LSP1: variants seen among roughly 807,000 people sequenced by gnomAD.
The protein encoded by LSP1 is lymphocyte specific protein 1.
LSP1 carries 32 observed loss-of-function variants against 49.3 expected under a neutral mutation model. That is an observed-to-expected ratio of 0.65 (90% CI 0.49 to 0.87). The LOEUF (loss-of-function observed/expected upper bound fraction) is 0.87. Among genes scored for constraint, LSP1 ranks in the 40% least tolerant of loss-of-function variants. LSP1 has a pLI of 0.00. For synonymous variants in LSP1, 179 were observed against 178.8 expected (o/e 1.00, Z -0.01); for missense variants, 428 against 442.6 (o/e 0.97, Z 0.30).
At chr11:1,882,726 G>A (rs1848596972) in intron 3 of LSP1, among the ~76,000 whole-genome samples, 1 of 152,224 alleles carries the variant, frequency 6.6e-6, no homozygotes, top group Admixed American at 6.5e-5. Context: ...CCTCTGTGTG[G>A]CTGCTGCTGG....
intron 2 of LSP1, chr11:1,881,043 G>A (rs1848516498): frequency 6.1e-6 from 1 of 164,528 alleles, no homozygotes; most frequent in African/African-American, 2.4e-5. Flanking sequence ...GGCTGACAGG[G>A]GAGGCACAGC....
intron 10 of LSP1, chr11:1,890,926 C>G (rs1052935671): frequency 3.8e-6 from 1 of 262,190 alleles, no homozygotes. Flanking sequence ...GGCCGCAACA[C>G]CGTGTGGGCT....
chr11:1,872,667 CT>C (rs1848091398), intron 1 of LSP1, among the ~76,000 whole-genome samples: 1 of 140,692 alleles, frequency 7.1e-6, no homozygotes, highest in Admixed American at 7.0e-5. Flanking sequence ...GCGTGGGCAC[CT>C]TTGGGAGGGG....
In LSP1 at chr11:1,880,237, A is replaced by G. The variant is rs2271439; in HGVS notation, c.191+13A>G. The G allele has an allele frequency of 6.3e-7, 1 of 1,579,272 alleles. No homozygotes were observed. The highest frequency in any genetic ancestry group is 2.3e-5 in the East Asian group (1 of 42,816). On this transcript the variant is annotated intron_variant, in intron 2 of 10. Coordinates refer to ENST00000311604, the MANE Select transcript of LSP1 (RefSeq NM_002339.3). Reference sequence around the variant, plus strand: ...AGCAGGAGATGCTGTGAGCAGCCCCATAACGCGTGCCTGGGCTCTAGCCCC... The same window carrying G: ...AGCAGGAGATGCTGTGAGCAGCCCCGTAACGCGTGCCTGGGCTCTAGCCCC...
At chr11:1,883,193 T>C (rs1380578031) in intron 3 of LSP1, among the ~76,000 whole-genome samples, 13 of 152,154 alleles carry the variant, frequency 8.5e-5, no homozygotes, top group Admixed American at 8.5e-4. Context: ...GACTGGGCAG[T>C]TCCCCAGGGG....
rs186790983 is a variant in LSP1, at chr11:1,886,133, C to A, written c.718-599C>A. Among the ~76,000 whole-genome samples the A allele has an allele frequency of 1.8e-3, 273 of 151,744 alleles. 1 individual carries two copies. The highest frequency in any genetic ancestry group is 2.1e-3 in the Non-Finnish European group (144 of 67,874). On this transcript the variant is annotated intron_variant, in intron 7 of 10. Coordinates refer to ENST00000311604, the MANE Select transcript of LSP1 (RefSeq NM_002339.3). Reference sequence around the variant, plus strand: ...TCACTGCTCCTCCATCCAGTCAATACCTTTCCATCCTACCAGTGCCCCTCC... The same window carrying A: ...TCACTGCTCCTCCATCCAGTCAATAACTTTCCATCCTACCAGTGCCCCTCC...
At position 1,884,496 on chromosome 11, in the gene LSP1, C is replaced by A. The variant is rs773666837; in HGVS notation, c.636-4C>A. 1 of 1,613,098 alleles carries A rather than the reference C, an allele frequency of 6.2e-7. No individual in the cohort carries two copies. The highest frequency in any genetic ancestry group is 8.5e-7 in the Non-Finnish European group (1 of 1,179,340). ...TGGGGCCTGACACATCTTCTACCCT[C>A]CAGTAACAGTGTGAAGAAATCCCAG... On this transcript the variant is annotated splice_polypyrimidine_tract_variant and splice_region_variant and intron_variant, in intron 6 of 10. Transcript: ENST00000311604. This position sits in a 1 kb window ranked among gnomAD's most constrained non-coding sequence, Gnocchi z 4.1.
At position 1,870,603 on chromosome 11, in the gene LSP1, G is replaced by A. The variant is rs960334321; in HGVS notation, c.54-9484G>A. On this transcript the variant is annotated intron_variant, in intron 1 of 10. Coordinates refer to ENST00000311604, the MANE Select transcript of LSP1 (RefSeq NM_002339.3). Reference sequence around the variant, plus strand: ...CGGTGCTGTGGGAGTGGAGCAGGTGGTTGAATGCCAGGCTGGCTTGGTCCT... The same window carrying A: ...CGGTGCTGTGGGAGTGGAGCAGGTGATTGAATGCCAGGCTGGCTTGGTCCT... The A allele has an allele frequency of 3.9e-5, 43 of 1,111,978 alleles. No individual in the cohort carries two copies. In the African/African-American group the frequency reaches 5.1e-4, roughly 13 times the overall value. The allele number at this position is 1,111,978 out of a possible 1,614,324, so 68.9% of individuals were successfully genotyped here.
At chr11:1,869,321 A>G (rs916554842) in intron 1 of LSP1, 2 of 306,842 alleles carry the variant, frequency 6.5e-6, no homozygotes, top group Non-Finnish European at 6.5e-6. Flanking sequence ...ACGAGAACAA[A>G]CCCTACCTGG....
intron 1 of LSP1, chr11:1,869,821 G>A (rs193085559): frequency 4.9e-5 from 23 of 467,424 alleles, no homozygotes; most frequent in East Asian, 1.4e-4. Flanking sequence ...GGTTTTCCCC[G>A]AGACTGAGAA....
At chr11:1,856,872 C>T (rs1038439012) in intron 1 of LSP1, among the ~76,000 whole-genome samples, 3 of 152,226 alleles carry the variant, frequency 2.0e-5, no homozygotes, top group Non-Finnish European at 2.9e-5. Context: ...GCGGTGCCCA[C>T]GACTGCTCAG....
intron 7 of LSP1, among the ~76,000 whole-genome samples, chr11:1,885,099 C>G (rs1196874482): frequency 6.6e-6 from 1 of 151,674 alleles, no homozygotes; most frequent in African/African-American, 2.4e-5. Context: ...CCATCCAATA[C>G]TACTCCATCC....
intron 7 of LSP1, among the ~76,000 whole-genome samples, chr11:1,885,316 A>G (rs537299159): frequency 3.7e-4 from 56 of 152,132 alleles, no homozygotes; most frequent in African/African-American, 1.3e-3. Context: ...CCATCCAATC[A>G]TCCAATACTC....
At chr11:1,871,692 G>T (rs1848015100) in intron 1 of LSP1, among the ~76,000 whole-genome samples, 1 of 152,232 alleles carries the variant, frequency 6.6e-6, no homozygotes, top group Non-Finnish European at 1.5e-5. Context: ...GGGTGTCTGG[G>T]TAGACTTGGG....
intron 7 of LSP1, among the ~76,000 whole-genome samples, chr11:1,885,264 G>A (rs1355591114): frequency 6.6e-6 from 1 of 151,438 alleles, no homozygotes; most frequent in Non-Finnish European, 1.5e-5. Context: ...TGTAACCAAT[G>A]CCAGTCCCAC....
chr11:1,854,326 T>C (rs1231546434), intron 1 of LSP1, among the ~76,000 whole-genome samples: 1 of 152,122 alleles, frequency 6.6e-6, no homozygotes, highest in Non-Finnish European at 1.5e-5. Context: ...ACCCCAAAAC[T>C]GCAGCCAGGG....
At chr11:1,877,509 G>A (rs1159331858) in intron 1 of LSP1, among the ~76,000 whole-genome samples, 1 of 152,154 alleles carries the variant, frequency 6.6e-6, no homozygotes, top group Non-Finnish European at 1.5e-5. Flanking sequence ...CTGCAGGGAC[G>A]ATGTTCCCAG....
Position 1,864,921 on chromosome 11 carries a change from G to A in LSP1, c.53+11724G>A, listed in dbSNP as rs541591052. Among the ~76,000 whole-genome samples, 5 of 152,234 alleles carry A rather than the reference G, an allele frequency of 3.3e-5. No homozygotes were observed. The South Asian group carries it at 1.0e-3, about 32-fold the overall frequency. On this transcript the variant is annotated intron_variant, in intron 1 of 10. Coordinates refer to ENST00000311604, the MANE Select transcript of LSP1 (RefSeq NM_002339.3). ...GGGCCAGAGGGGCCAAGACAGGCAG[G>A]CAGAGGGTCACAGGGACAAGGAGAA...
intron 1 of LSP1, among the ~76,000 whole-genome samples, chr11:1,879,626 G>A (rs1848453607): frequency 6.6e-6 from 1 of 152,202 alleles, no homozygotes; most frequent in Admixed American, 6.5e-5. Flanking sequence ...CCGCAGGTGG[G>A]GTGGAGGTGC....
Sources: allele counts gnomAD v4.1 joint callset (sites outside exome capture counted in the v4.1 genomes callset), GRCh38; gene constraint gnomAD v4.1.1; non-coding constraint Gnocchi (gnomAD v3.1); transcripts MANE v1.5; gene names NCBI Gene and HGNC (gene_info 2026-07-23, HGNC 2026-07-21).